CPS1: variants seen among roughly 807,000 people sequenced by gnomAD.
CPS1 encodes carbamoyl-phosphate synthase 1.
Under a neutral mutation model 174.6 loss-of-function variants are expected in CPS1, and 109 were observed. The observed-to-expected ratio is 0.62, with a 90% CI of 0.53 to 0.73. The LOEUF (loss-of-function observed/expected upper bound fraction) is 0.73, where lower values mean the gene tolerates loss of function less well. Ranked by LOEUF, CPS1 falls within the 30% of genes least tolerant of loss-of-function variation. The pLI, the probability that CPS1 is intolerant of heterozygous loss-of-function variation, is 0.00. For synonymous variants in CPS1, 637 were observed against 632.0 expected (o/e 1.01, Z -0.12); for missense variants, 1,689 against 1,821.9 (o/e 0.93, Z 1.33).
intron 36 of CPS1, 72 bp from the exon 37 acceptor site, chr2:210,676,935 T>C: frequency 6.7e-7 from 1 of 1,493,884 alleles, no homozygotes; most frequent in Non-Finnish European, 9.3e-7. Context: ...AAGAGAGCAA[T>C]TTATGTTAGT....
At chr2:210,613,193 T>C (rs1699188719) in intron 20 of CPS1, among the ~76,000 whole-genome samples, 1 of 151,970 alleles carries the variant, frequency 6.6e-6, no homozygotes, top group Admixed American at 6.6e-5. Flanking sequence ...GTAATTTGCC[T>C]GTGTAGAAAC....
chr2:210,646,245 C>A (rs190018139), intron 25 of CPS1, among the ~76,000 whole-genome samples: 24 of 152,126 alleles, frequency 1.6e-4, no homozygotes, highest in African/African-American at 5.5e-4. Flanking sequence ...AACAACACTG[C>A]TGATAAACCC....
intron 1 of CPS1, among the ~76,000 whole-genome samples, chr2:210,566,283 G>A (rs10180357): frequency 6.6e-6 from 1 of 151,910 alleles, no homozygotes; most frequent in Non-Finnish European, 1.5e-5. Flanking sequence ...AGGGAGGGGG[G>A]ACTGAGAGGT....
At position 210,491,308 on chromosome 2, in the gene CPS1, T is replaced by TG. The variant is rs1491091786; in HGVS notation, c.3+13542_3+13543insG. ...TAAAAGCATGTATTTGGTATCTGTG[T>TG]TTTTTTTTTTTTTTTTTTTTTTTTT... On this transcript the variant is annotated intron_variant, in intron 1 of 38. Coordinates refer to the CPS1 transcript ENST00000430249. Among the ~76,000 whole-genome samples the TG allele has an allele frequency of 1.2e-3, 11 of 9,228 alleles. 1 individual carries two copies. Among genetic ancestry groups the TG allele is most frequent in the East Asian group, 3.7e-3 (2 of 542 alleles). 6.1% of individuals were successfully genotyped at this position (9,228 alleles called of 152,430 possible).
chr2:210,510,594 G>T (rs1695437358), intron 1 of CPS1, among the ~76,000 whole-genome samples: 1 of 152,286 alleles, frequency 6.6e-6, no homozygotes, highest in Non-Finnish European at 1.5e-5. Context: ...AGAGTGAATA[G>T]GCAACCTACA....
intron 1 of CPS1, among the ~76,000 whole-genome samples, chr2:210,536,556 A>G (rs1056897039): frequency 3.9e-5 from 6 of 151,962 alleles, no homozygotes; most frequent in Non-Finnish European, 7.4e-5. Context: ...ACGATCTCCT[A>G]ACCTCGTGAT....
intron 25 of CPS1, among the ~76,000 whole-genome samples, chr2:210,643,531 T>C (rs1406937974): frequency 6.6e-6 from 1 of 152,106 alleles, no homozygotes; most frequent in Non-Finnish European, 1.5e-5. Context: ...TTACATAAAT[T>C]CTCCGTGCTT....
Position 210,590,712 on chromosome 2 carries a change from G to T in CPS1, c.841-88G>T. ...GTTACTATTCTCTTTACCTTCTTAA[G>T]AAAAAAGGATACCTCATTTTTGTTC... On this transcript the variant is annotated intron_variant, in intron 8 of 37. Coordinates refer to ENST00000233072, the MANE Select transcript of CPS1 (RefSeq NM_001875.5). The T allele has an allele frequency of 2.7e-5, 27 of 989,016 alleles. 2 individuals carry two copies. The South Asian group carries it at 3.6e-4, about 13-fold the overall frequency. The allele number at this position is 989,016 out of a possible 1,614,324, so 61.3% of individuals were successfully genotyped here.
At chr2:210,584,134 T>C (rs1242330245) in intron 6 of CPS1, among the ~76,000 whole-genome samples, 3 of 152,138 alleles carry the variant, frequency 2.0e-5, no homozygotes, top group Non-Finnish European at 4.4e-5. Context: ...GAAGAATTGC[T>C]ACCTTCTGTT....
intron 32 of CPS1, among the ~76,000 whole-genome samples, chr2:210,661,523 T>G (rs1700921307): frequency 6.6e-6 from 1 of 152,198 alleles, no homozygotes; most frequent in African/African-American, 2.4e-5. Flanking sequence ...AGCTCAGACT[T>G]GGACTTTTGA....
chr2:210,560,565 G>T (rs1697065962), intron 1 of CPS1, among the ~76,000 whole-genome samples: 1 of 152,084 alleles, frequency 6.6e-6, no homozygotes, highest in African/African-American at 2.4e-5. Context: ...CAATCCAAGT[G>T]TCCTCTCTGA....
At chr2:210,627,665 C>A (rs1421036679) in intron 21 of CPS1, among the ~76,000 whole-genome samples, 1 of 152,162 alleles carries the variant, frequency 6.6e-6, no homozygotes, top group Non-Finnish European at 1.5e-5. Flanking sequence ...CACTCTCTCT[C>A]TAGAAGATCA....
At chr2:210,511,245 G>C (rs938968250) in intron 1 of CPS1, among the ~76,000 whole-genome samples, 5 of 151,320 alleles carry the variant, frequency 3.3e-5, no homozygotes, top group Admixed American at 2.6e-4. Flanking sequence ...CATGGATGAA[G>C]CTGGAAACCA....
intron 2 of CPS1, among the ~76,000 whole-genome samples, chr2:210,575,885 A>C (rs1423917494): frequency 6.6e-6 from 1 of 152,108 alleles, no homozygotes; most frequent in East Asian, 1.9e-4. Context: ...TCAGTATCCT[A>C]AAAAATATCA....
At chr2:210,584,188 T>C (rs1698025291) in intron 6 of CPS1, among the ~76,000 whole-genome samples, 1 of 152,138 alleles carries the variant, frequency 6.6e-6, no homozygotes, top group Non-Finnish European at 1.5e-5. Context: ...TTCTCTTTCC[T>C]AGGACTATGT....
intron 1 of CPS1, among the ~76,000 whole-genome samples, chr2:210,499,896 T>A (rs1371072256): frequency 6.6e-6 from 1 of 152,110 alleles, no homozygotes; most frequent in Non-Finnish European, 1.5e-5. Context: ...GGATTCGTGT[T>A]GTATTAGTTT....
At chr2:210,532,908 C>T (rs755574433) in intron 1 of CPS1, among the ~76,000 whole-genome samples, 4 of 152,036 alleles carry the variant, frequency 2.6e-5, no homozygotes, top group Non-Finnish European at 4.4e-5. Context: ...TATGATTGAC[C>T]GGGTCTCCTA....
chr2:210,544,347 T>C (rs1191747144), intron 1 of CPS1, among the ~76,000 whole-genome samples: 1 of 152,122 alleles, frequency 6.6e-6, no homozygotes, highest in Non-Finnish European at 1.5e-5. Context: ...CTCTTCTTGA[T>C]GATTAATCCT....
At chr2:210,528,974 T>C (rs1559063312) in intron 1 of CPS1, among the ~76,000 whole-genome samples, 1 of 151,816 alleles carries the variant, frequency 6.6e-6, no homozygotes, top group African/African-American at 2.4e-5. Context: ...AAGTTTGGAA[T>C]GTGGAGTGCT....
Sources: allele counts gnomAD v4.1 joint callset (sites outside exome capture counted in the v4.1 genomes callset), GRCh38; gene constraint gnomAD v4.1.1; transcripts MANE v1.5; gene names NCBI Gene and HGNC (gene_info 2026-07-23, HGNC 2026-07-21).